The following NKAIN3 variants were observed in gnomAD, a reference collection of about 807,000 sequenced individuals.
NKAIN3 encodes the protein sodium/potassium-transporting ATPase subunit beta-1-interacting protein 3.
A neutral mutation model predicts 30.2 loss-of-function variants in NKAIN3; 25 were observed. The ratio of observed to expected loss-of-function variants is 0.83; its 90% confidence interval spans 0.60 to 1.16. NKAIN3 has a LOEUF of 1.16. NKAIN3 is among the 50% of genes most tolerant of loss of function. The probability of loss-of-function intolerance (pLI) is 0.00; values close to 1 mark genes in which losing one functional copy is unlikely to be tolerated. For synonymous variants in NKAIN3, 91 were observed against 89.6 expected, an observed-to-expected ratio of 1.02 and a Z score of -0.09; for missense variants, 225 against 254.1, an observed-to-expected ratio of 0.89 and a Z score of 0.78.
chr8:62,488,206 C>G (rs2129601438), intron 1 of NKAIN3, among the ~76,000 whole-genome samples: 1 of 152,272 alleles, frequency 6.6e-6, no homozygotes, highest in Admixed American at 6.5e-5. Context: ...GACACCACCT[C>G]CTTCCCTGAT....
chr8:62,808,252 T>G (rs918075597), intron 4 of NKAIN3, among the ~76,000 whole-genome samples: 1 of 152,222 alleles, frequency 6.6e-6, no homozygotes, highest in Non-Finnish European at 1.5e-5. Flanking sequence ...CTGAAGAACA[T>G]GCTTTAGTAG....
chr8:62,415,288 A>G (rs939294439), intron 1 of NKAIN3, among the ~76,000 whole-genome samples: 17 of 144,740 alleles, frequency 1.2e-4, no homozygotes, highest in Non-Finnish European at 2.0e-4. Flanking sequence ...ATTATATACT[A>G]TATATATTTA....
chr8:62,957,468 T>A (rs1181804277), intron 6 of NKAIN3, among the ~76,000 whole-genome samples: 2 of 152,132 alleles, frequency 1.3e-5, no homozygotes, highest in Non-Finnish European at 2.9e-5. Flanking sequence ...CAAAACTTGA[T>A]AAAGAACAAA....
chr8:62,583,577 G>T (rs979430996), intron 2 of NKAIN3, among the ~76,000 whole-genome samples: 1 of 152,196 alleles, frequency 6.6e-6, no homozygotes, highest in Non-Finnish European at 1.5e-5. Flanking sequence ...GAGAAAAGAG[G>T]TCAGAAAGAT....
intron 1 of NKAIN3, among the ~76,000 whole-genome samples, chr8:62,261,976 A>G (rs1210027010): frequency 1.3e-5 from 2 of 152,194 alleles, no homozygotes; most frequent in African/African-American, 2.4e-5. Context: ...AATGCAGATA[A>G]CAAAACTGTG....
chr8:62,841,997 A>G (rs1001768324), intron 4 of NKAIN3, among the ~76,000 whole-genome samples: 2 of 152,146 alleles, frequency 1.3e-5, no homozygotes, highest in African/African-American at 4.8e-5. Flanking sequence ...GGTAAAAGCC[A>G]TTCTATTGGG....
intron 3 of NKAIN3, among the ~76,000 whole-genome samples, chr8:62,693,285 G>A (rs947880460): frequency 2.0e-5 from 3 of 152,138 alleles, no homozygotes; most frequent in African/African-American, 7.2e-5. Context: ...ATTTTTTGAA[G>A]CATTCCATAA....
At chr8:62,576,675 T>C (rs1268116844) in intron 1 of NKAIN3, among the ~76,000 whole-genome samples, 2 of 152,110 alleles carry the variant, frequency 1.3e-5, no homozygotes, top group Admixed American at 1.3e-4. Flanking sequence ...TTTGCAAATA[T>C]TCCCATCATG....
intron 1 of NKAIN3, among the ~76,000 whole-genome samples, chr8:62,408,660 T>C (rs1804149143): frequency 6.6e-6 from 1 of 152,192 alleles, no homozygotes; most frequent in Non-Finnish European, 1.5e-5. Flanking sequence ...ACAATGTTTT[T>C]CAAAGATCTC....
chr8:62,297,500 A>G (rs905495674), intron 1 of NKAIN3, among the ~76,000 whole-genome samples: 1 of 152,102 alleles, frequency 6.6e-6, no homozygotes, highest in Non-Finnish European at 1.5e-5. Context: ...ACCCCATCAA[A>G]AAGTGGGCGA....
At chr8:62,771,612 A>G (rs182486165) in intron 4 of NKAIN3, among the ~76,000 whole-genome samples, 9 of 152,158 alleles carry the variant, frequency 5.9e-5, no homozygotes, top group African/African-American at 1.9e-4. Flanking sequence ...AATGTTTTTG[A>G]AGAATGAATG....
Position 62,451,009 on chromosome 8 carries a change from G to A in NKAIN3, c.55-128530G>A, listed in dbSNP as rs192480007. On this transcript the variant is annotated intron_variant, in intron 1 of 6. Transcript: ENST00000623646. The stretch of plus-strand genomic sequence containing the variant: ...CATACAGGTAGTACTTATGCAATGT[G>A]GAGCAGATTAATTATGTTTTAACAT... Among the ~76,000 whole-genome samples the A allele has an allele frequency of 8.5e-5, 13 of 152,186 alleles. No homozygotes were observed. The East Asian group carries it at 2.5e-3, about 29-fold the overall frequency.
intron 1 of NKAIN3, among the ~76,000 whole-genome samples, chr8:62,398,198 C>T (rs1273258946): frequency 1.3e-5 from 2 of 152,044 alleles, no homozygotes; most frequent in East Asian, 3.9e-4. Flanking sequence ...AGGGAAGGGG[C>T]CCCTGGGCAA....
intron 3 of NKAIN3, among the ~76,000 whole-genome samples, chr8:62,730,470 T>C (rs1302668243): frequency 6.6e-6 from 1 of 152,080 alleles, no homozygotes. Context: ...TTTTCTATTA[T>C]AAATATTAAA....
intron 5 of NKAIN3, among the ~76,000 whole-genome samples, chr8:62,934,429 A>C (rs1822721592): frequency 6.6e-6 from 1 of 152,026 alleles, no homozygotes. Context: ...ATTTTTTCCA[A>C]ATGTGAGAAA....
At chr8:62,752,645 C>T (rs1186890731) in intron 4 of NKAIN3, among the ~76,000 whole-genome samples, 1 of 152,178 alleles carries the variant, frequency 6.6e-6, no homozygotes, top group Non-Finnish European at 1.5e-5. Context: ...AGTAGCCTGT[C>T]AACAGCCAGT....
At chr8:62,655,301 A>C (rs16929371) in intron 3 of NKAIN3, among the ~76,000 whole-genome samples, 1,881 of 152,268 alleles carry the variant, frequency 0.012, 43 homozygotes, top group East Asian at 0.058. Flanking sequence ...AAATATTGAC[A>C]GTCACTACTC....
At chr8:62,618,612 A>C (rs1043314567) in intron 3 of NKAIN3, among the ~76,000 whole-genome samples, 19 of 152,104 alleles carry the variant, frequency 1.2e-4, no homozygotes, top group Admixed American at 1.1e-3. Flanking sequence ...GAAAGAAGAA[A>C]GAAAGAAAGA....
At chr8:62,551,145 TG>T in intron 1 of NKAIN3, among the ~76,000 whole-genome samples, 1 of 152,226 alleles carries the variant, frequency 6.6e-6, no homozygotes, top group Middle Eastern at 3.4e-3. Flanking sequence ...TTCCATCAGG[TG>T]GTTATTCTGG....
Sources: allele counts gnomAD v4.1 joint callset (sites outside exome capture counted in the v4.1 genomes callset), GRCh38; gene constraint gnomAD v4.1.1; transcripts MANE v1.5; gene names NCBI Gene and HGNC (gene_info 2026-07-23, HGNC 2026-07-21).